The following BCAS4 variants were observed in gnomAD, a reference collection of about 807,000 sequenced individuals.
The protein encoded by BCAS4 is breast carcinoma-amplified sequence 4.
Under a neutral mutation model 15.7 loss-of-function variants are expected in BCAS4, and 9 were observed. The ratio of observed to expected loss-of-function variants is 0.57; its 90% confidence interval spans 0.34 to 1.00. BCAS4 has a LOEUF of 1.00. Among genes scored for constraint, BCAS4 ranks in the 50% least tolerant of loss-of-function variants. The pLI, the probability that BCAS4 is intolerant of heterozygous loss-of-function variation, is 0.02. For synonymous variants in BCAS4, 101 were observed against 99.5 expected (o/e 1.02, Z -0.09); for missense variants, 225 against 239.1 (o/e 0.94, Z 0.39).
intron 1 of BCAS4, among the ~76,000 whole-genome samples, chr20:50,813,904 C>T (rs1213295581): frequency 2.0e-5 from 3 of 151,796 alleles, no homozygotes; most frequent in Admixed American, 6.6e-5. Context: ...GTGAGCCTCT[C>T]GCCTCCTTCC....
At chr20:50,811,662 G>A (rs187963434) in intron 1 of BCAS4, among the ~76,000 whole-genome samples, 33 of 152,162 alleles carry the variant, frequency 2.2e-4, no homozygotes, top group African/African-American at 3.4e-4. Flanking sequence ...TCGTTCTCTC[G>A]CCGAGGCTGG....
chr20:50,841,912 G>A lies in BCAS4; in HGVS notation c.399+12G>A. ...CCTCCTTCAGGAACGTGAGTATCCT[G>A]CCCCGAGAAGTGAGGGGAGGGCCTC... On this transcript the variant is annotated intron_variant, in intron 4 of 4. Coordinates refer to ENST00000371608, the MANE Select transcript of BCAS4 (RefSeq NM_198799.4). 6.4e-7 allele frequency: 1 copy of A among 1,550,680 alleles called. No individual in the cohort carries two copies. Among genetic ancestry groups the A allele is most frequent in the East Asian group, 2.3e-5 (1 of 43,250 alleles).
chr20:50,808,640 GC>G (rs1173637847), intron 1 of BCAS4, among the ~76,000 whole-genome samples: 2 of 151,972 alleles, frequency 1.3e-5, no homozygotes, highest in African/African-American at 4.8e-5. Flanking sequence ...ATGTTTGTTG[GC>G]CACTTGTATA....
intron 2 of BCAS4, among the ~76,000 whole-genome samples, chr20:50,821,352 TG>T (rs1196118252): frequency 1.3e-5 from 2 of 152,316 alleles, no homozygotes; most frequent in South Asian, 4.1e-4. Flanking sequence ...GTGGGACCCC[TG>T]GGGGTGTTTG....
intron 4 of BCAS4, among the ~76,000 whole-genome samples, chr20:50,869,377 C>G (rs900546262): frequency 1.3e-5 from 2 of 152,166 alleles, no homozygotes; most frequent in African/African-American, 4.8e-5. Context: ...GGGGCAGACC[C>G]TGGACAACCT....
At chr20:50,798,210 C>T (rs775717176) in intron 1 of BCAS4, among the ~76,000 whole-genome samples, 16 of 151,968 alleles carry the variant, frequency 1.1e-4, no homozygotes, top group East Asian at 2.0e-4. Context: ...GCATAAGAAA[C>T]GCTTGAACCT....
intron 1 of BCAS4, among the ~76,000 whole-genome samples, chr20:50,805,706 G>C (rs962515762): frequency 2.6e-5 from 4 of 152,140 alleles, no homozygotes; most frequent in Non-Finnish European, 4.4e-5. Flanking sequence ...CCAAAGCGGT[G>C]GTTCATGCCT....
intron 4 of BCAS4, among the ~76,000 whole-genome samples, chr20:50,845,742 G>A (rs548767362): frequency 2.4e-4 from 37 of 152,340 alleles, no homozygotes; most frequent in Non-Finnish European, 3.8e-4. Flanking sequence ...TCACCCACCC[G>A]TGCTGCCTCC....
intron 3 of BCAS4, chr20:50,840,963 G>A (rs2088473083): frequency 2.0e-6 from 1 of 505,898 alleles, no homozygotes; most frequent in African/African-American, 1.9e-5. Context: ...CCGAGTAGCT[G>A]GGATTACGGG....
At chr20:50,865,071 C>A (rs932387100) in intron 4 of BCAS4, among the ~76,000 whole-genome samples, 1 of 151,964 alleles carries the variant, frequency 6.6e-6, no homozygotes, top group Non-Finnish European at 1.5e-5. Context: ...CCAGCCTGGG[C>A]GACAGAGCAA....
chr20:50,854,183 C>T (rs1431824114), intron 4 of BCAS4, among the ~76,000 whole-genome samples: 1 of 152,108 alleles, frequency 6.6e-6, no homozygotes. Flanking sequence ...TGGAGCCAAA[C>T]AGTCCCGGGT....
At chr20:50,832,920 A>G (rs1475447493) in intron 3 of BCAS4, 1 of 152,236 alleles carries the variant, frequency 6.6e-6, no homozygotes, top group Non-Finnish European at 1.5e-5. Context: ...CCTTTTGCCA[A>G]GGAAGGTGAC....
chr20:50,842,519 G>A (rs1188408320), intron 4 of BCAS4, among the ~76,000 whole-genome samples: 2 of 152,132 alleles, frequency 1.3e-5, no homozygotes, highest in Non-Finnish European at 2.9e-5. Context: ...CTGGGTTCAA[G>A]TGATTCTCCT....
rs763623373 is a variant in BCAS4, at chr20:50,841,792, C to T, written c.291C>T (p.His97=). 18 of 1,613,918 alleles carry T rather than the reference C, an allele frequency of 1.1e-5. 1 individual carries two copies. Among genetic ancestry groups the T allele is most frequent in the Middle Eastern group, 3.3e-4 (2 of 6,062 alleles). The change falls in exon 4 of 5, where the codon CAC becomes CAT. Residue 97 remains histidine, a synonymous_variant. Transcript: ENST00000371608. ...CCTTCGTCAAGATGGTTGGACACCA[C>T]GTCGCCTTCCTGGAAGCAGACGTGC... ...LEAFVKMVGH[H]VAFLEADVLQ... is the part of the protein sequence containing the mutation.
At chr20:50,857,701 G>C (rs1451744467) in intron 4 of BCAS4, among the ~76,000 whole-genome samples, 1 of 152,144 alleles carries the variant, frequency 6.6e-6, no homozygotes, top group Non-Finnish European at 1.5e-5. Context: ...GAGGTCCTCT[G>C]TGACCCCCAC....
rs1054981975 is a variant in BCAS4, at chr20:50,876,659, C to T, written c.*51C>T. ...GCTGGAAAGTGACATTGTGTACACA[C>T]TGCAGCTTGGGGGTTTTTTCTTTGT... On this transcript the variant is annotated 3_prime_UTR_variant, in exon 5 of 5. Transcript: ENST00000371608. 1 of 1,569,500 alleles carries T rather than the reference C, an allele frequency of 6.4e-7. No homozygotes were observed. The highest frequency in any genetic ancestry group is 8.6e-7 in the Non-Finnish European group (1 of 1,163,132).
intron 4 of BCAS4, among the ~76,000 whole-genome samples, chr20:50,852,793 G>A (rs531688389): frequency 1.3e-5 from 2 of 152,348 alleles, no homozygotes; most frequent in South Asian, 2.1e-4. Flanking sequence ...TGGTTCAGGG[G>A]CCTGCATCTG....
chr20:50,816,408 G>A (rs2088138143), intron 1 of BCAS4, among the ~76,000 whole-genome samples: 4 of 152,224 alleles, frequency 2.6e-5, no homozygotes, highest in Admixed American at 2.6e-4. Flanking sequence ...TTCGTTATTG[G>A]CTTAATTTGT....
At chr20:50,862,769 G>A (rs1290694386) in intron 4 of BCAS4, among the ~76,000 whole-genome samples, 4 of 152,164 alleles carry the variant, frequency 2.6e-5, no homozygotes, top group Admixed American at 2.6e-4. Flanking sequence ...GGCCTGGCAG[G>A]GGCCTGGAGG....
Sources: allele counts gnomAD v4.1 joint callset (sites outside exome capture counted in the v4.1 genomes callset), GRCh38; gene constraint gnomAD v4.1.1; transcripts MANE v1.5; gene names NCBI Gene and HGNC (gene_info 2026-07-23, HGNC 2026-07-21).